Variants in HIPK4 observed in about 807,000 individuals in gnomAD.
The protein encoded by HIPK4 is homeodomain interacting protein kinase 4.
HIPK4 carries 26 observed loss-of-function variants against 44.8 expected under a neutral mutation model. That is an observed-to-expected ratio of 0.58 (90% CI 0.43 to 0.80). HIPK4 has a LOEUF of 0.80. Ranked by LOEUF, HIPK4 falls within the 30% of genes least tolerant of loss-of-function variation. HIPK4 has a pLI of 0.00. For synonymous variants in HIPK4, 340 were observed against 355.5 expected, an observed-to-expected ratio of 0.96 and a Z score of 0.49; for missense variants, 729 against 862.6, an observed-to-expected ratio of 0.85 and a Z score of 1.94.
chr19:40,384,837 T>C (rs4803332), intron 1 of HIPK4, among the ~76,000 whole-genome samples: 99,272 of 151,266 alleles, frequency 0.66, 32,515 homozygotes, highest in Admixed American at 0.73. Context: ...GTCTTAAACT[T>C]CTGACCTCAG....
intron 2 of HIPK4, among the ~76,000 whole-genome samples, chr19:40,381,784 C>CTTTTTTTTTTTTTTTTTTTTTT (rs55780075): frequency 1.4e-5 from 1 of 72,260 alleles, no homozygotes; most frequent in African/African-American, 5.4e-5. Flanking sequence ...CACTCAGATC[C>CTTTTTTTTTTTTTTTTTTTTTT]TTTTTTTTTT....
intron 1 of HIPK4, among the ~76,000 whole-genome samples, chr19:40,386,751 G>A (rs2080281428): frequency 6.6e-6 from 1 of 152,310 alleles, no homozygotes; most frequent in Admixed American, 6.5e-5. Context: ...CTAGAACAGG[G>A]CTTGGCACAC....
Position 40,381,081 on chromosome 19 carries a change from T to C in HIPK4, c.910A>G (p.Thr304Ala). 2 of 1,612,656 alleles carry C rather than the reference T, an allele frequency of 1.2e-6. No homozygotes were observed. The highest frequency in any genetic ancestry group is 2.2e-5 in the South Asian group (2 of 91,064). ...GCCAGCGCCTCCCGGTCAGGGAAGGTTAGCCGACTGGCCACACTGCCACCA... is the reference window on the plus strand; with the variant it reads ...GCCAGCGCCTCCCGGTCAGGGAAGGCTAGCCGACTGGCCACACTGCCACCA... Reference protein sequence around the residue: ...VNGGSVASRLTFPDREALAEH... With the variant: ...VNGGSVASRLAFPDREALAEH... The change falls in exon 3 of 4, where the codon ACC becomes GCC. Residue 304 changes from threonine (T) to alanine (A), a missense_variant. By Grantham distance (58) the Thr-to-Ala change is moderately conservative. Transcript: ENST00000291823.
In HIPK4 at chr19:40,380,934, G is replaced by C; in HGVS notation, c.1057C>G (p.Arg353Gly). 1 of 1,609,466 alleles carries C rather than the reference G, an allele frequency of 6.2e-7. No individual in the cohort carries two copies. The highest frequency in any genetic ancestry group is 8.5e-7 in the Non-Finnish European group (1 of 1,177,182). The change falls in exon 3 of 4, where the codon CGC (arginine) becomes GGC (glycine). Residue 353 changes from arginine to glycine, a missense_variant. Physicochemically the swap from Arg to Gly is moderately radical, Grantham distance 125. Transcript: ENST00000291823. The surrounding 1 kb of genome is among the most constrained non-coding windows in gnomAD (Gnocchi z 4.2). ...RHPFVSMQQL[R>G]SAHETTHYYQ... The stretch of plus-strand genomic sequence containing the variant: ...TAGTGGGTGGTCTCGTGGGCACTGC[G>C]CAGCTGCTGCATGGACACGAAGGGG...
chr19:40,388,323 T>G (rs1392749310), intron 1 of HIPK4, among the ~76,000 whole-genome samples: 1 of 152,226 alleles, frequency 6.6e-6, no homozygotes, highest in Non-Finnish European at 1.5e-5. Context: ...TGGCCATCCC[T>G]CACCTTTCAC....
At position 40,380,268 on chromosome 19, in the gene HIPK4, A is replaced by G; in HGVS notation, c.1668+55T>C. ...ACTAATCATATCCTGAGCACGGGTG[A>G]GTGTGTGCTGAGCCTCCTCCCACCC... On this transcript the variant is annotated intron_variant, in intron 3 of 3. Coordinates refer to ENST00000291823, the MANE Select transcript of HIPK4 (RefSeq NM_144685.5). The surrounding 1 kb of genome is among the most constrained non-coding windows in gnomAD (Gnocchi z 4.2). 2 of 1,572,930 alleles carry G rather than the reference A, an allele frequency of 1.3e-6. No individual in the cohort carries two copies. The highest frequency in any genetic ancestry group is 1.7e-6 in the Non-Finnish European group (2 of 1,157,020).
In HIPK4 at chr19:40,381,215, T is replaced by C. The variant is rs771456107; in HGVS notation, c.823-47A>G. ...GGCAGGGTTGACCATTGTGCAGGGC[T>C]AGGGCCCTGGGCACTCCTGCTGTGG... On this transcript the variant is annotated intron_variant, in intron 2 of 3. Transcript: ENST00000291823. The C allele has an allele frequency of 4.0e-6, 6 of 1,489,722 alleles. No individual in the cohort carries two copies. The African/African-American group carries it at 8.2e-5, about 20-fold the overall frequency. 92.3% of individuals were successfully genotyped at this position (1,489,722 alleles called of 1,614,324 possible).
At chr19:40,382,837 G>A (rs1026849325) in intron 2 of HIPK4, among the ~76,000 whole-genome samples, 3 of 151,422 alleles carry the variant, frequency 2.0e-5, no homozygotes, top group Non-Finnish European at 4.4e-5. Context: ...CACGAGGTCG[G>A]GTGTCTGAGA....
chr19:40,379,679 G>T lies in HIPK4; in HGVS notation c.1759C>A (p.Arg587=), dbSNP rs201051792. The change falls in exon 4 of 4, where the codon CGG becomes AGG. Residue 587 remains arginine, a synonymous_variant. Transcript: ENST00000291823. ...CGGCGGGGTGGGAGCCCCTGAGCCC[G>T]TGGGCCCCTGACGCTCTCCAGGGTG... ...DCTLESVRGP[R]AQGLPPRRSH... 1 of 1,574,084 alleles carries T rather than the reference G, an allele frequency of 6.4e-7. No homozygotes were observed. The highest frequency in any genetic ancestry group is 8.6e-7 in the Non-Finnish European group (1 of 1,163,270).
At chr19:40,382,937 C>T (rs2079344327) in intron 2 of HIPK4, among the ~76,000 whole-genome samples, 1 of 150,868 alleles carries the variant, frequency 6.6e-6, no homozygotes, top group Non-Finnish European at 1.5e-5. Flanking sequence ...AGCCCAGCTA[C>T]TCAGGAGGCT....
At chr19:40,385,141 C>T (rs568970099) in intron 1 of HIPK4, among the ~76,000 whole-genome samples, 1 of 152,208 alleles carries the variant, frequency 6.6e-6, no homozygotes, top group Non-Finnish European at 1.5e-5. Flanking sequence ...TCCTTTCCAA[C>T]CTAGACCAAC....
chr19:40,388,510 G>A (rs779132420), intron 1 of HIPK4, among the ~76,000 whole-genome samples: 8 of 152,118 alleles, frequency 5.3e-5, no homozygotes, highest in African/African-American at 1.4e-4. Context: ...CTGTGGATCC[G>A]TCCTGTCTGT....
At chr19:40,381,781 ATCCTTTTTTT>A (rs1382221808) in intron 2 of HIPK4, among the ~76,000 whole-genome samples, 13 of 119,910 alleles carry the variant, frequency 1.1e-4, no homozygotes. Flanking sequence ...TCTCACTCAG[ATCCTTTTTTT>A]TTTTTTTTTT....
chr19:40,389,370 G>C lies in HIPK4; in HGVS notation c.465+68C>G, dbSNP rs2079377045. The stretch of plus-strand genomic sequence containing the variant: ...TTTAAAAAATTAAAAAAAAAATCTA[G>C]GGCTGGAAGAAGCTGGGAAAAAGAC... On this transcript the variant is annotated intron_variant, in intron 1 of 3. Coordinates refer to ENST00000291823, the MANE Select transcript of HIPK4 (RefSeq NM_144685.5). The surrounding 1 kb of genome is among the most constrained non-coding windows in gnomAD (Gnocchi z 4.6). The C allele has an allele frequency of 5.3e-6, 4 of 760,192 alleles. No homozygotes were observed. Among genetic ancestry groups the C allele is most frequent in the Non-Finnish European group, 5.6e-6 (3 of 531,858 alleles). The allele number at this position is 760,192 out of a possible 1,614,324, so 47.1% of individuals were successfully genotyped here. A position where few individuals can be genotyped will look rare whatever the true frequency, so the allele number is the denominator to read the frequency against.
intron 2 of HIPK4, among the ~76,000 whole-genome samples, chr19:40,383,456 C>T (rs1212325276): frequency 6.6e-6 from 1 of 152,046 alleles, no homozygotes; most frequent in African/African-American, 2.4e-5. Flanking sequence ...CTTGCTCTGT[C>T]ACCCAGGCTC....
chr19:40,386,010 A>G (rs899983240), intron 1 of HIPK4, among the ~76,000 whole-genome samples: 4 of 150,326 alleles, frequency 2.7e-5, no homozygotes, highest in African/African-American at 9.8e-5. Flanking sequence ...CAGGTCCACC[A>G]TTGCTCTTAA....
At chr19:40,388,013 G>GTT (rs71171566) in intron 1 of HIPK4, among the ~76,000 whole-genome samples, 9,035 of 112,990 alleles carry the variant, frequency 0.08, 1,460 homozygotes, top group African/African-American at 0.26. Flanking sequence ...TTTTAGTTTA[G>GTT]TTTTTTTTTT....
At chr19:40,381,493 C>T (rs914519947) in intron 2 of HIPK4, among the ~76,000 whole-genome samples, 1 of 152,232 alleles carries the variant, frequency 6.6e-6, no homozygotes, top group Non-Finnish European at 1.5e-5. Flanking sequence ...GTCCCTCTTA[C>T]TGCCACAGCT....
intron 2 of HIPK4, among the ~76,000 whole-genome samples, chr19:40,382,608 C>A (rs1267962438): frequency 6.6e-6 from 1 of 152,128 alleles, no homozygotes; most frequent in African/African-American, 2.4e-5. Context: ...AGTTTCTCCC[C>A]CAGATCTATC....
Sources: allele counts gnomAD v4.1 joint callset (sites outside exome capture counted in the v4.1 genomes callset), GRCh38; gene constraint gnomAD v4.1.1; non-coding constraint Gnocchi (gnomAD v3.1); transcripts MANE v1.5; gene names NCBI Gene and HGNC (gene_info 2026-07-23, HGNC 2026-07-21).